The following MTRF1 variants were observed in gnomAD, a reference collection of about 807,000 sequenced individuals.
The protein encoded by MTRF1 is mitochondrial translation release factor 1, also known as peptide chain release factor 1, mitochondrial.
Under a neutral mutation model 62.9 loss-of-function variants are expected in MTRF1, and 51 were observed. That is an observed-to-expected ratio of 0.81 (90% CI 0.65 to 1.02). MTRF1 has a LOEUF of 1.02. Ranked by LOEUF, MTRF1 falls within the 50% of genes least tolerant of loss-of-function variation. The pLI is 0.00. For missense variants in MTRF1, 446 were observed against 530.0 expected (o/e 0.84, Z 1.56); for synonymous variants, 158 against 181.9 (o/e 0.87, Z 1.06).
chr13:41,226,579 A>G lies in MTRF1; in HGVS notation c.989-11T>C. ...ATTCTACTACTAGCCCTGAAAAATA[A>G]CAGGGATCAGAAGGTAAACTGTAGC... On this transcript the variant is annotated splice_polypyrimidine_tract_variant and intron_variant, in intron 7 of 9. Coordinates refer to ENST00000379480, the MANE Select transcript of MTRF1 (RefSeq NM_004294.4). 1 of 1,613,016 alleles carries G rather than the reference A, an allele frequency of 6.2e-7. No individual in the cohort carries two copies. The highest frequency in any genetic ancestry group is 8.5e-7 in the Non-Finnish European group (1 of 1,179,856).
chr13:41,281,726 CT>C, the MTRF1 span, among the ~76,000 whole-genome samples: 3 of 152,164 alleles, frequency 2.0e-5, no homozygotes, highest in Non-Finnish European at 4.4e-5. Context: ...ACAGTACTGA[CT>C]CCATGTTAGA....
the MTRF1 span, among the ~76,000 whole-genome samples, chr13:41,304,918 T>C: frequency 1.3e-5 from 2 of 152,288 alleles, no homozygotes; most frequent in African/African-American, 4.8e-5. Context: ...ACACTAAGGA[T>C]TTATCTTGAA....
chr13:41,223,445 A>C, intron 8 of MTRF1, 91 bp from the exon 9 acceptor site: 7 of 994,542 alleles, frequency 7.0e-6, no homozygotes, highest in Non-Finnish European at 9.3e-6. Context: ...CATTTCAACA[A>C]TTTAGATACT....
chr13:41,306,698 G>A, the MTRF1 span, among the ~76,000 whole-genome samples: 2 of 152,144 alleles, frequency 1.3e-5, no homozygotes, highest in African/African-American at 2.4e-5. Context: ...GAATTGCAAA[G>A]GTCTTTACAG....
At chr13:41,266,718 G>C (rs1428740126), upstream of MTRF1, among the ~76,000 whole-genome samples, 2 of 152,014 alleles carry the variant, frequency 1.3e-5, no homozygotes, top group African/African-American at 4.8e-5. Flanking sequence ...GTGATGCCGG[G>C]CGCAGTGGCT....
Position 41,233,885 on chromosome 13 carries a change from C to A in MTRF1, c.988+5G>T. ...TAAAAGTACAAAGCCAAGGGGCTTG[C>A]TTACCTGTGGGGATGTGGACAAGTC... On this transcript the variant is annotated splice_donor_5th_base_variant and intron_variant, in intron 7 of 9. Coordinates refer to ENST00000379480, the MANE Select transcript of MTRF1 (RefSeq NM_004294.4). 3 of 1,604,826 alleles carry A rather than the reference C, an allele frequency of 1.9e-6. No individual in the cohort carries two copies. Among genetic ancestry groups the A allele is most frequent in the South Asian group, 2.2e-5 (2 of 90,838 alleles).
In MTRF1 at chr13:41,240,278, G is replaced by C. The variant is rs768830686; in HGVS notation, c.853C>G (p.Leu285Val). The C allele has an allele frequency of 5.0e-6, 8 of 1,608,528 alleles. No individual in the cohort carries two copies. Among genetic ancestry groups the C allele is most frequent in the Non-Finnish European group, 6.8e-6 (8 of 1,177,382 alleles). The change falls in exon 6 of 10, where the codon CTT becomes GTT. Residue 285 changes from leucine (L) to valine (V), a missense_variant. Physicochemically the swap from Leu to Val is conservative, Grantham distance 32 (BLOSUM62 1). Coordinates refer to ENST00000379480, the MANE Select transcript of MTRF1 (RefSeq NM_004294.4). The part of the protein sequence containing the change: ...IHTGTMSVIV[L>V]PQPDEVDVKL... ...GAGGTTACCTCATCTGGCTGAGGAA[G>C]GACAATAACCGACATCGTTCCTGTG...
At chr13:41,249,230 A>G (rs1398445253) in intron 5 of MTRF1, among the ~76,000 whole-genome samples, 2 of 152,072 alleles carry the variant, frequency 1.3e-5, no homozygotes, top group East Asian at 3.9e-4. Context: ...TCTTCTCCTA[A>G]CTGCTTCTAA....
the MTRF1 span, among the ~76,000 whole-genome samples, chr13:41,289,046 C>T: frequency 6.6e-5 from 10 of 152,134 alleles, no homozygotes; most frequent in East Asian, 1.9e-3. Flanking sequence ...TCAACGTTGA[C>T]CATTCTATGG....
chr13:41,273,751 C>T, the MTRF1 span, among the ~76,000 whole-genome samples: 33 of 151,760 alleles, frequency 2.2e-4, no homozygotes, highest in African/African-American at 7.8e-4. Flanking sequence ...GCAGGAGAAT[C>T]GCTTGAACCT....
chr13:41,303,956 G>T, the MTRF1 span, among the ~76,000 whole-genome samples: 1 of 152,216 alleles, frequency 6.6e-6, no homozygotes, highest in East Asian at 1.9e-4. Context: ...GGGTAGGCGC[G>T]TTCCTCCTCT....
chr13:41,241,195 C>T (rs1468655350), intron 5 of MTRF1, among the ~76,000 whole-genome samples: 3 of 152,118 alleles, frequency 2.0e-5, no homozygotes, highest in Non-Finnish European at 2.9e-5. Context: ...CAGGCACCCA[C>T]CACCACGTCC....
chr13:41,260,910 C>G lies in MTRF1; in HGVS notation c.-3G>C, dbSNP rs752740636. On this transcript the variant is annotated 5_prime_UTR_variant, in exon 2 of 10. Coordinates refer to ENST00000379480, the MANE Select transcript of MTRF1 (RefSeq NM_004294.4). The stretch of plus-strand genomic sequence containing the variant: ...CAAACACACAGGTGACGATTCATCT[C>G]AGCATCTGAAATACAATAAACACAG... 6.3e-7 allele frequency: 1 copy of G among 1,588,780 alleles called. No homozygotes were observed. The highest frequency in any genetic ancestry group is 1.1e-5 in the South Asian group (1 of 89,056).
At position 41,226,461 on chromosome 13, in the gene MTRF1, G is replaced by T. The variant is rs951030433; in HGVS notation, c.1096C>A (p.Arg366Ser). Reference sequence around the variant, plus strand: ...AGTTTTCTAGCACTTTGTTGCTGACGCTTGTCTTTCTCAATAATCTGCTGG... The same window carrying T: ...AGTTTTCTAGCACTTTGTTGCTGACTCTTGTCTTTCTCAATAATCTGCTGG... ...LYQQIIEKDK[R>S]QQQSARKLQV... Residue 366 changes from arginine to serine, a missense_variant, in exon 8 of 10, where the codon CGT (arginine) becomes AGT (serine). Physicochemically the swap from Arg to Ser is moderately radical, Grantham distance 110 (BLOSUM62 -1). Transcript: ENST00000379480. 1 of 1,612,784 alleles carries T rather than the reference G, an allele frequency of 6.2e-7. No individual in the cohort carries two copies. The highest frequency in any genetic ancestry group is 8.5e-7 in the Non-Finnish European group (1 of 1,179,802).
chr13:41,310,712 G>A, the MTRF1 span, among the ~76,000 whole-genome samples: 10 of 152,260 alleles, frequency 6.6e-5, 1 homozygote, highest in South Asian at 1.2e-3. Flanking sequence ...GTAAATGTTT[G>A]TTTGGTTTGC....
intron 6 of MTRF1, among the ~76,000 whole-genome samples, chr13:41,240,051 T>C (rs2037257504): frequency 2.0e-5 from 3 of 151,890 alleles, no homozygotes; most frequent in Admixed American, 6.6e-5. Flanking sequence ...TAATTGCAGC[T>C]ACTCAGCAGG....
chr13:41,311,177 C>T, the MTRF1 span: 2 of 421,388 alleles, frequency 4.7e-6, no homozygotes, highest in South Asian at 5.6e-5. Flanking sequence ...CCCCGCTACG[C>T]CCCCGTAGTC....
intron 1 of MTRF1, 129 bp from the exon 2 acceptor site, chr13:41,261,044 C>T (rs2040393099): frequency 1.1e-6 from 1 of 921,354 alleles, no homozygotes; most frequent in Non-Finnish European, 1.6e-6. Flanking sequence ...TCTTAAAATT[C>T]AACTGCCGGC....
In MTRF1 at chr13:41,252,631, C is replaced by T; in HGVS notation, c.697+14G>A. Reference sequence around the variant, plus strand: ...TTCAGTATCTCCTACAGGCAAATTCCTCAATATGCCTACCATAATCTGCTG... The same window carrying T: ...TTCAGTATCTCCTACAGGCAAATTCTTCAATATGCCTACCATAATCTGCTG... On this transcript the variant is annotated intron_variant, in intron 5 of 9. Coordinates refer to ENST00000379480, the MANE Select transcript of MTRF1 (RefSeq NM_004294.4). 6.3e-7 allele frequency: 1 copy of T among 1,583,610 alleles called. No individual in the cohort carries two copies. The highest frequency in any genetic ancestry group is 2.2e-5 in the East Asian group (1 of 44,616).
Sources: gnomAD v4.1 joint callset for allele counts (sites outside exome capture counted in the v4.1 genomes callset) on GRCh38, gnomAD v4.1.1 for gene constraint, MANE v1.5 for transcripts, NCBI Gene and HGNC (gene_info 2026-07-23, HGNC 2026-07-21) for gene names.